SLK: variants seen among roughly 807,000 people sequenced by gnomAD.
SLK encodes the protein STE20-like serine/threonine-protein kinase.
In SLK, 67 loss-of-function variants were observed where a neutral mutation model predicts 147.7. The ratio of observed to expected loss-of-function variants is 0.45; its 90% CI spans 0.37 to 0.56. The LOEUF is 0.56. Among genes scored for constraint, SLK ranks in the 20% least tolerant of loss-of-function variants. SLK has a pLI of 0.00. For synonymous variants in SLK, 441 were observed against 475.0 expected, an observed-to-expected ratio of 0.93 and a Z score of 0.93; for missense variants, 1,136 against 1,438.8, an observed-to-expected ratio of 0.79 and a Z score of 3.41.
At chr10:104,023,823 C>T (rs193199753) in intron 18 of SLK, among the ~76,000 whole-genome samples, 4 of 152,294 alleles carry the variant, frequency 2.6e-5, no homozygotes, top group East Asian at 1.9e-4. Flanking sequence ...ATGCCATGAT[C>T]GCTTCATTTA....
At chr10:104,014,674 A>G (rs2134520892) in intron 13 of SLK, among the ~76,000 whole-genome samples, 1 of 152,280 alleles carries the variant, frequency 6.6e-6, no homozygotes, top group Admixed American at 6.5e-5. Flanking sequence ...AAATAGCCCA[A>G]TATATCATAA....
In SLK at chr10:103,967,855, T is replaced by C. The variant is rs773930676; in HGVS notation, c.110T>C (p.Ile37Thr). The change falls in exon 1 of 19, where the codon ATA (isoleucine) becomes ACA (threonine). Residue 37 changes from isoleucine to threonine, a missense_variant. Ile to Thr is a moderately conservative substitution (Grantham distance 89). Around this residue, in one of 6 missense-constraint regions of SLK, gnomAD observed 126 missense variants for 141.3 expected, o/e 0.89. Transcript: ENST00000369755. ...AACCCCGAAGACTTTTGGGAGATTA[T>C]AGGAGAACTGGGCGACGGAGCCTTT... The part of the protein sequence containing the change: ...DLNPEDFWEI[I>T]GELGDGAFGK... 2 of 1,613,686 alleles carry C rather than the reference T, an allele frequency of 1.2e-6. No homozygotes were observed. Among genetic ancestry groups the C allele is most frequent in the East Asian group, 2.2e-5 (1 of 44,858 alleles).
intron 18 of SLK, among the ~76,000 whole-genome samples, chr10:104,024,012 T>A (rs1259640108): frequency 6.6e-6 from 1 of 152,134 alleles, no homozygotes; most frequent in Non-Finnish European, 1.5e-5. Context: ...TGCCAGATGT[T>A]CCTTCATCTC....
At chr10:103,984,255 A>G (rs1301606237) in intron 1 of SLK, among the ~76,000 whole-genome samples, 2 of 152,188 alleles carry the variant, frequency 1.3e-5, no homozygotes, top group African/African-American at 4.8e-5. Flanking sequence ...TTCTTTGCAA[A>G]ATACTAATAT....
chr10:104,001,989 TA>T (rs896821723), intron 8 of SLK, among the ~76,000 whole-genome samples, 182 bp from the exon 9 acceptor site: 5 of 152,226 alleles, frequency 3.3e-5, no homozygotes, highest in Non-Finnish European at 7.3e-5. Flanking sequence ...GTGCTGGGAT[TA>T]CAGGTGTGTG....
intron 8 of SLK, 91 bp from the exon 9 acceptor site, chr10:104,002,081 A>G: frequency 1.1e-6 from 1 of 940,722 alleles, no homozygotes. Context: ...TTTACTGAAT[A>G]AAGATCTGAA....
chr10:104,023,604 C>T (rs1342873389), intron 18 of SLK, among the ~76,000 whole-genome samples: 1 of 152,122 alleles, frequency 6.6e-6, no homozygotes, highest in Non-Finnish European at 1.5e-5. Context: ...AGTAAGCGCC[C>T]ATTTTCCATC....
intron 1 of SLK, among the ~76,000 whole-genome samples, chr10:103,976,601 A>C (rs771425568): frequency 6.6e-6 from 1 of 151,476 alleles, no homozygotes; most frequent in Non-Finnish European, 1.5e-5. Context: ...AAAAAGCTCT[A>C]TTTTGAGGTA....
chr10:104,012,305 T>A (rs1206860649), intron 13 of SLK, among the ~76,000 whole-genome samples: 1 of 152,104 alleles, frequency 6.6e-6, no homozygotes, highest in Non-Finnish European at 1.5e-5. Context: ...CCATGAAAAA[T>A]AAGGAAAATA....
chr10:104,008,994 A>G (rs1844365130), intron 12 of SLK, among the ~76,000 whole-genome samples: 1 of 152,178 alleles, frequency 6.6e-6, no homozygotes, highest in Non-Finnish European at 1.5e-5. Context: ...GATGAGAATG[A>G]GTTTTTTCAT....
At chr10:104,023,322 T>C (rs1589549190) in intron 18 of SLK, among the ~76,000 whole-genome samples, 1 of 152,238 alleles carries the variant, frequency 6.6e-6, no homozygotes, top group African/African-American at 2.4e-5. Context: ...CTGTTGCAGA[T>C]AGACAACTCC....
intron 8 of SLK, among the ~76,000 whole-genome samples, chr10:104,001,840 C>T (rs752631558): frequency 2.0e-5 from 3 of 152,072 alleles, no homozygotes; most frequent in South Asian, 2.1e-4. Context: ...CTCAGCCTCC[C>T]GAGTAGCTGG....
chr10:104,024,851 G>A (rs1294606330), intron 18 of SLK, among the ~76,000 whole-genome samples: 3 of 152,246 alleles, frequency 2.0e-5, no homozygotes, highest in African/African-American at 4.8e-5. Context: ...ACTTCTCACC[G>A]TGTCCTCACA....
intron 1 of SLK, among the ~76,000 whole-genome samples, chr10:103,968,715 A>T (rs1249267804): frequency 1.3e-5 from 2 of 152,208 alleles, no homozygotes; most frequent in African/African-American, 4.8e-5. Context: ...CCTAGAAGTG[A>T]AAACGTAAGA....
At chr10:104,016,135 G>A (rs183061686) in intron 13 of SLK, among the ~76,000 whole-genome samples, 51 of 152,116 alleles carry the variant, frequency 3.4e-4, no homozygotes, top group East Asian at 2.1e-3. Context: ...TGGCTACCAC[G>A]GTGAAACCCC....
intron 1 of SLK, among the ~76,000 whole-genome samples, chr10:103,988,502 G>A (rs1425671133): frequency 6.6e-6 from 1 of 152,044 alleles, no homozygotes; most frequent in Non-Finnish European, 1.5e-5. Flanking sequence ...AGCATAAATG[G>A]GTTAATTTCA....
chr10:104,018,475 G>A (rs531880822), intron 14 of SLK, among the ~76,000 whole-genome samples, 186 bp downstream of exon 14: 17 of 152,204 alleles, frequency 1.1e-4, no homozygotes, highest in Admixed American at 9.8e-4. Flanking sequence ...GTGTTAGAAT[G>A]GGATTTAAAG....
chr10:103,971,447 TG>T (rs1843792323), intron 1 of SLK, among the ~76,000 whole-genome samples: 1 of 152,208 alleles, frequency 6.6e-6, no homozygotes, highest in Non-Finnish European at 1.5e-5. Flanking sequence ...GCTAATTTTT[TG>T]TATTTTTAGT....
At chr10:104,024,345 C>T (rs1057436303) in intron 18 of SLK, among the ~76,000 whole-genome samples, 3 of 152,334 alleles carry the variant, frequency 2.0e-5, no homozygotes, top group East Asian at 3.9e-4. Flanking sequence ...CACTGTCATA[C>T]TGATGTTGAG....
Sources: gnomAD v4.1 joint callset for allele counts (sites outside exome capture counted in the v4.1 genomes callset) on GRCh38, gnomAD v4.1.1 for gene constraint, gnomAD v4.1.1 regional missense constraint, MANE v1.5 for transcripts, NCBI Gene and HGNC (gene_info 2026-07-23, HGNC 2026-07-21) for gene names.